HOMER1: variants seen among roughly 807,000 people sequenced by gnomAD.
The protein encoded by HOMER1 is homer protein homolog 1.
In HOMER1, 3 loss-of-function variants were observed where a neutral mutation model predicts 48.9. The observed-to-expected ratio is 0.06, with a 90% CI of 0.03 to 0.16. The LOEUF (loss-of-function observed/expected upper bound fraction) is 0.16, where lower values mean the gene tolerates loss of function less well. HOMER1 is among the 10% of genes least tolerant of loss of function. HOMER1 has a pLI of 1.00. For synonymous variants in HOMER1, 134 were observed against 146.4 expected, an observed-to-expected ratio of 0.92 and a Z score of 0.61; for missense variants, 247 against 411.4, an observed-to-expected ratio of 0.60 and a Z score of 3.46.
chr5:79,439,711 T>C (rs1356951507), intron 4 of HOMER1, among the ~76,000 whole-genome samples: 37 of 152,168 alleles, frequency 2.4e-4, no homozygotes, highest in Admixed American at 2.4e-3. Flanking sequence ...CTATTATCTA[T>C]AATGATGTTA....
chr5:79,507,443 A>G (rs1053490399), intron 1 of HOMER1, among the ~76,000 whole-genome samples: 5 of 152,034 alleles, frequency 3.3e-5, no homozygotes, highest in African/African-American at 9.7e-5. Context: ...TTTCAAAAAC[A>G]AACAGAAATA....
At position 79,513,534 on chromosome 5, in the gene HOMER1, C is replaced by T; in HGVS notation, c.-760G>A. Reference sequence around the variant, plus strand: ...GGCAGCAGGCTGGGGGCGCAGCGCACGCCGGAGAGCTGGAGGAGGGGACCC... The same window carrying T: ...GGCAGCAGGCTGGGGGCGCAGCGCATGCCGGAGAGCTGGAGGAGGGGACCC... On this transcript the variant is annotated 5_prime_UTR_variant, in exon 1 of 9. The change creates a new upstream start codon in the 5' untranslated region. Coordinates refer to ENST00000334082, the MANE Select transcript of HOMER1 (RefSeq NM_004272.5). The T allele has an allele frequency of 6.5e-6, 1 of 152,674 alleles. No homozygotes were observed. Among genetic ancestry groups the T allele is most frequent in the Non-Finnish European group, 1.5e-5 (1 of 68,356 alleles). 9.5% of individuals were successfully genotyped at this position (152,674 alleles called of 1,614,324 possible).
intron 5 of HOMER1, among the ~76,000 whole-genome samples, chr5:79,416,737 G>T (rs1749953581): frequency 6.6e-6 from 1 of 152,148 alleles, no homozygotes; most frequent in Admixed American, 6.5e-5. Context: ...GCCACAGGAG[G>T]TCCCAGTTTC....
At chr5:79,495,258 C>G (rs576937564) in intron 1 of HOMER1, among the ~76,000 whole-genome samples, 1 of 152,240 alleles carries the variant, frequency 6.6e-6, no homozygotes, top group East Asian at 1.9e-4. Context: ...TCTCCCTTAA[C>G]TACCTTAACT....
intron 1 of HOMER1, among the ~76,000 whole-genome samples, chr5:79,505,139 G>T (rs906927200): frequency 6.6e-6 from 1 of 152,084 alleles, no homozygotes; most frequent in African/African-American, 2.4e-5. Context: ...TGCACCTGTA[G>T]TCCCAACTAC....
At position 79,396,805 on chromosome 5, in the gene HOMER1, AT is replaced by A; in HGVS notation, c.876+17del. 2 of 1,503,098 alleles carry A rather than the reference AT, an allele frequency of 1.3e-6. No individual in the cohort carries two copies. The highest frequency in any genetic ancestry group is 1.8e-6 in the Non-Finnish European group (2 of 1,085,402). 93.1% of individuals were successfully genotyped at this position (1,503,098 alleles called of 1,614,324 possible). A position where few individuals can be genotyped will look rare whatever the true frequency, so the allele number is the denominator to read the frequency against. ...CCTTTCTATGCAGAAGTGAATAACA[AT>A]TTTTACTACAGCTCACCTGTAGTTT... On this transcript the variant is annotated intron_variant, in intron 8 of 8. Transcript: ENST00000334082.
At chr5:79,432,428 T>C (rs1290074008) in intron 5 of HOMER1, among the ~76,000 whole-genome samples, 2 of 152,200 alleles carry the variant, frequency 1.3e-5, no homozygotes, top group Non-Finnish European at 2.9e-5. Flanking sequence ...TAGGAATGGA[T>C]TGATGAACAA....
rs1748707558 is a variant in HOMER1, at chr5:79,374,434, C to G, written c.*1575G>C. On this transcript the variant is annotated 3_prime_UTR_variant, in exon 9 of 9. Coordinates refer to ENST00000334082, the MANE Select transcript of HOMER1 (RefSeq NM_004272.5). ...ATATGTATGTATTTACGTACATACA[C>G]ATACATAAAAAACAAAATTGTCTAG... 6.6e-6 allele frequency: 1 copy of G among 152,280 alleles called. No individual in the cohort carries two copies. Among genetic ancestry groups the G allele is most frequent in the Non-Finnish European group, 1.5e-5 (1 of 67,858 alleles). The allele number at this position is 152,280 out of a possible 1,614,324, so 9.4% of individuals were successfully genotyped here.
chr5:79,380,763 T>C (rs974357347), intron 8 of HOMER1, among the ~76,000 whole-genome samples: 1 of 151,990 alleles, frequency 6.6e-6, no homozygotes, highest in Non-Finnish European at 1.5e-5. Flanking sequence ...TCCACCAATG[T>C]TGGCACCTAA....
chr5:79,492,509 A>AC (rs1223720359), intron 1 of HOMER1, among the ~76,000 whole-genome samples: 2 of 151,926 alleles, frequency 1.3e-5, no homozygotes, highest in East Asian at 3.9e-4. Flanking sequence ...GAAAAAAAAA[A>AC]CCCACCGTAT....
At chr5:79,471,624 C>T (rs1229868639) in intron 1 of HOMER1, among the ~76,000 whole-genome samples, 1 of 151,638 alleles carries the variant, frequency 6.6e-6, no homozygotes. Flanking sequence ...TCAACCCTGG[C>T]TGCACATTAG....
intron 1 of HOMER1, among the ~76,000 whole-genome samples, chr5:79,491,249 T>C (rs981740112): frequency 1.3e-5 from 2 of 151,024 alleles, no homozygotes; most frequent in Non-Finnish European, 1.5e-5. Flanking sequence ...CTGAGCAACA[T>C]GACAAAACCC....
chr5:79,508,996 A>C (rs908745751), intron 1 of HOMER1, among the ~76,000 whole-genome samples: 1 of 152,230 alleles, frequency 6.6e-6, no homozygotes, highest in Admixed American at 6.5e-5. Flanking sequence ...GTCAGATATG[A>C]TAGGGTGGTT....
chr5:79,405,866 G>T (rs1749648600), intron 5 of HOMER1, among the ~76,000 whole-genome samples: 1 of 152,162 alleles, frequency 6.6e-6, no homozygotes, highest in Non-Finnish European at 1.5e-5. Context: ...TCACATCAGG[G>T]ATGGAATTTC....
intron 8 of HOMER1, among the ~76,000 whole-genome samples, chr5:79,384,845 A>G (rs1749068729): frequency 6.6e-6 from 1 of 152,212 alleles, no homozygotes; most frequent in Admixed American, 6.5e-5. Context: ...GGTTTAACAC[A>G]GAGAAATTAA....
At chr5:79,472,262 T>A (rs1208231319) in intron 1 of HOMER1, among the ~76,000 whole-genome samples, 1 of 152,210 alleles carries the variant, frequency 6.6e-6, no homozygotes, top group Non-Finnish European at 1.5e-5. Flanking sequence ...TATTTTTTCT[T>A]ATCTCAATTT....
In HOMER1 at chr5:79,374,409, ATATG is replaced by A. The variant is rs1314876940; in HGVS notation, c.*1596_*1599del. On this transcript the variant is annotated 3_prime_UTR_variant, in exon 9 of 9. Transcript: ENST00000334082. ...TTATTTTTCACTCTAATGTAAATTA[ATATG>A]TATGTATTTACGTACATACACATAC... 1 of 152,470 alleles carries A rather than the reference ATATG, an allele frequency of 6.6e-6. No homozygotes were observed. Among genetic ancestry groups the A allele is most frequent in the South Asian group, 2.1e-4 (1 of 4,838 alleles). The allele number at this position is 152,470 out of a possible 1,614,324, so 9.4% of individuals were successfully genotyped here.
chr5:79,387,863 A>T (rs1231195905), intron 8 of HOMER1, among the ~76,000 whole-genome samples: 1 of 152,244 alleles, frequency 6.6e-6, no homozygotes, highest in Admixed American at 6.5e-5. Flanking sequence ...ATACAAAGGC[A>T]TGCAAATTCC....
chr5:79,508,713 T>G (rs1752847520), intron 1 of HOMER1, among the ~76,000 whole-genome samples: 2 of 152,228 alleles, frequency 1.3e-5, no homozygotes, highest in Admixed American at 1.3e-4. Flanking sequence ...AAAGCCTTTT[T>G]ATCCTTCCCT....
Sources: allele counts gnomAD v4.1 joint callset (sites outside exome capture counted in the v4.1 genomes callset), GRCh38; gene constraint gnomAD v4.1.1; transcripts MANE v1.5; gene names NCBI Gene and HGNC (gene_info 2026-07-23, HGNC 2026-07-21).